The following TRRAP variants were observed in gnomAD, a reference collection of about 807,000 sequenced individuals.
The protein encoded by TRRAP is transformation/transcription domain-associated protein.
A neutral mutation model predicts 438.8 loss-of-function variants in TRRAP; 41 were observed. That is an observed-to-expected ratio of 0.09 (90% CI 0.07 to 0.12). The LOEUF is 0.12. TRRAP is among the 10% of genes least tolerant of loss of function. TRRAP has a pLI of 1.00. For missense variants in TRRAP, 3,122 were observed against 5,055.1 expected (o/e 0.62, Z 11.60); for synonymous variants, 1,994 against 1,962.9 (o/e 1.02, Z -0.42).
At chr7:98,997,422 A>G (rs1793716085) in intron 67 of TRRAP, among the ~76,000 whole-genome samples, 2 of 151,146 alleles carry the variant, frequency 1.3e-5, no homozygotes, top group Admixed American at 1.3e-4. Flanking sequence ...CAAAAAGGCA[A>G]CAAAATCCAG....
At chr7:98,900,137 T>G (rs1465722720) in intron 10 of TRRAP, among the ~76,000 whole-genome samples, 3 of 151,898 alleles carry the variant, frequency 2.0e-5, no homozygotes, top group African/African-American at 7.3e-5. Flanking sequence ...AGCCTTCATC[T>G]CCAGATAGGC....
rs1192363458 is a variant in TRRAP at position 98,976,238 on chromosome 7, G to A, written c.7929G>A (p.Leu2643=). 5 of 1,614,102 alleles carry A rather than the reference G, an allele frequency of 3.1e-6. No homozygotes were observed. Among genetic ancestry groups the A allele is most frequent in the Non-Finnish European group, 4.2e-6 (5 of 1,180,042 alleles). The change falls in exon 54 of 73, where the codon TTG becomes TTA. Residue 2643 remains leucine, a synonymous_variant. Coordinates refer to ENST00000456197, the MANE Select transcript of TRRAP (RefSeq NM_001375524.1). This position sits in a 1 kb window ranked among gnomAD's most constrained non-coding sequence, Gnocchi z 4.6. ...CGTGGGTCCAGCTTTTCCCCAGATT[G>A]TGGAAGATCCTCTCTGACAGACAGC... ...EKTWVQLFPR[L]WKILSDRQQH...
In TRRAP at chr7:98,976,807, C is replaced by G; in HGVS notation, c.8247+37C>G. The G allele has an allele frequency of 6.2e-7, 1 of 1,604,644 alleles. No homozygotes were observed. Among genetic ancestry groups the G allele is most frequent in the Non-Finnish European group, 8.5e-7 (1 of 1,173,824 alleles). On this transcript the variant is annotated intron_variant, in intron 55 of 72. Transcript: ENST00000456197. The surrounding 1 kb of genome is among the most constrained non-coding windows in gnomAD (Gnocchi z 4.6). ...CCTCAGTTTGTTAATTACCTCTTCC[C>G]TGCCAGTGACTTCACACTTTAAATA... is the stretch of plus-strand genomic sequence containing the variant.
intron 28 of TRRAP, among the ~76,000 whole-genome samples, chr7:98,936,774 C>T (rs200477250): frequency 2.6e-5 from 4 of 152,288 alleles, no homozygotes; most frequent in East Asian, 3.9e-4. Flanking sequence ...CATCTGAAGA[C>T]GTAAGATTTA....
intron 3 of TRRAP, among the ~76,000 whole-genome samples, chr7:98,887,948 C>T (rs797025764): frequency 2.6e-4 from 40 of 152,158 alleles, no homozygotes; most frequent in African/African-American, 9.1e-4. Context: ...AGTTGAACTC[C>T]AGGACAGGTG....
chr7:98,910,440 T>G, intron 15 of TRRAP, 21 bp downstream of exon 15: 1 of 1,612,070 alleles, frequency 6.2e-7, no homozygotes, highest in Non-Finnish European at 8.5e-7. Flanking sequence ...TCTTCAGTTA[T>G]GTAGACAAAC....
rs115311261 is a variant in TRRAP, at chr7:98,886,313, T to C, written c.151-4022T>C. 3.8e-3 allele frequency among the ~76,000 whole-genome samples: 573 copies of C among 150,630 alleles called. 12 individuals are homozygous for C. The highest frequency in any genetic ancestry group is 0.014 in the African/African-American group (547 of 40,174). Reference sequence around the variant, plus strand: ...TATCTATCTATCATAGATATAGATATCTATATAGATAGAGATAGATATAGA... The same window carrying C: ...TATCTATCTATCATAGATATAGATACCTATATAGATAGAGATAGATATAGA... On this transcript the variant is annotated intron_variant, in intron 3 of 72. Coordinates refer to ENST00000456197, the MANE Select transcript of TRRAP (RefSeq NM_001375524.1).
At chr7:98,920,137 C>T (rs953500931) in intron 20 of TRRAP, among the ~76,000 whole-genome samples, 1 of 152,218 alleles carries the variant, frequency 6.6e-6, no homozygotes, top group African/African-American at 2.4e-5. Context: ...TATTGCTAGA[C>T]ATGAATATTT....
rs761798003 is a variant in TRRAP, at chr7:98,976,108, C to T, written c.7840-41C>T. 1 of 1,609,736 alleles carries T rather than the reference C, an allele frequency of 6.2e-7. No homozygotes were observed. Among genetic ancestry groups the T allele is most frequent in the Admixed American group, 1.7e-5 (1 of 59,852 alleles). ...TGAGCGTGGTTGTGCGAGGCACCCC[C>T]AGCCCGTGGCCATCTCAGCCTGTTG... On this transcript the variant is annotated intron_variant, in intron 53 of 72. Transcript: ENST00000456197. This position sits in a 1 kb window ranked among gnomAD's most constrained non-coding sequence, Gnocchi z 4.6.
In TRRAP at chr7:98,958,040, C is replaced by G. The variant is rs1287709468; in HGVS notation, c.6291C>G (p.Asp2097Glu). 1.9e-6 allele frequency: 3 copies of G among 1,614,088 alleles called. No individual in the cohort carries two copies. Among genetic ancestry groups the G allele is most frequent in the Non-Finnish European group, 2.5e-6 (3 of 1,180,040 alleles). The stretch of plus-strand genomic sequence containing the variant: ...ACTCTCTCCTCGCCAAGCCCATTGA[C>G]AAGCAGCACACAGACACTGTGGTGA... ...GADSLLAKPI[D>E]KQHTDTVVNF... Residue 2097 changes from aspartate (D) to glutamate (E), a missense_variant, in exon 44 of 73, where the codon GAC becomes GAG. By Grantham distance (45) the Asp-to-Glu change is conservative (BLOSUM62 2). Coordinates refer to ENST00000456197, the MANE Select transcript of TRRAP (RefSeq NM_001375524.1).
At chr7:98,967,202 C>A (rs776859487) in intron 50 of TRRAP, 40 bp downstream of exon 50, 1 of 1,585,034 alleles carries the variant, frequency 6.3e-7, no homozygotes, top group Non-Finnish European at 8.6e-7. Flanking sequence ...TATATTGGTC[C>A]TTAATGTGCT....
rs1313524447 is a variant in TRRAP at position 98,912,052 on chromosome 7, A to G, written c.2038A>G (p.Thr680Ala). Reference protein sequence around the residue: ...IVANSFLANPTTSALFATILV... With the variant: ...IVANSFLANPATSALFATILV... ...TGCCAATTCCTTCTTGGCAAATCCT[A>G]CTACCTCTGCTCTGTTTGCTACGAT... Residue 680 changes from threonine (T) to alanine (A), a missense_variant, in exon 18 of 73, where the codon ACT (threonine) becomes GCT (alanine). Thr to Ala is a moderately conservative substitution (Grantham distance 58). Coordinates refer to ENST00000456197, the MANE Select transcript of TRRAP (RefSeq NM_001375524.1). 4 of 1,613,704 alleles carry G rather than the reference A, an allele frequency of 2.5e-6. No homozygotes were observed. In the African/African-American group the frequency reaches 5.3e-5, roughly 22 times the overall value.
chr7:98,998,762 C>A, intron 67 of TRRAP: 1 of 222,936 alleles, frequency 4.5e-6, no homozygotes, highest in Non-Finnish European at 9.3e-6. Context: ...TCTAGCCACT[C>A]CTTTCTTTCC....
chr7:98,903,342 A>G (rs367616957), intron 11 of TRRAP, 37 bp from the exon 12 acceptor site: 1 of 1,611,728 alleles, frequency 6.2e-7, no homozygotes, highest in Non-Finnish European at 8.5e-7. Context: ...ACACTCTCCT[A>G]TCCCTGTAAC....
chr7:98,937,151 TG>T lies in TRRAP; in HGVS notation c.4112-4del. The T allele has an allele frequency of 1.9e-6, 3 of 1,602,108 alleles. No homozygotes were observed. Among genetic ancestry groups the T allele is most frequent in the Non-Finnish European group, 2.6e-6 (3 of 1,175,814 alleles). ...ATGGAATTGTCTTGATTTCTCTCCC[TG>T]AAGATGCACTTGCTGCCTGCAATTA... On this transcript the variant is annotated splice_region_variant and splice_polypyrimidine_tract_variant and intron_variant, in intron 28 of 72. Transcript: ENST00000456197.
chr7:98,939,616 A>T (rs782350181), intron 30 of TRRAP, among the ~76,000 whole-genome samples: 1 of 152,238 alleles, frequency 6.6e-6, no homozygotes, highest in African/African-American at 2.4e-5. Context: ...ATACACACCT[A>T]TCAGTTTCCA....
chr7:98,909,542 A>C (rs1796962859), intron 14 of TRRAP, among the ~76,000 whole-genome samples: 1 of 152,176 alleles, frequency 6.6e-6, no homozygotes, highest in African/African-American at 2.4e-5. Flanking sequence ...CTTCCTGGCA[A>C]GTAATTAGGA....
chr7:98,890,735 A>G, intron 4 of TRRAP, among the ~76,000 whole-genome samples: 1 of 147,502 alleles, frequency 6.8e-6, no homozygotes, highest in Non-Finnish European at 1.5e-5. Flanking sequence ...ACTACCCCCC[A>G]TACCTATTGC....
In TRRAP at chr7:98,981,957, A is replaced by C; in HGVS notation, c.8823A>C (p.Leu2941=). 6.3e-7 allele frequency: 1 copy of C among 1,588,012 alleles called. No homozygotes were observed. The highest frequency in any genetic ancestry group is 8.6e-7 in the Non-Finnish European group (1 of 1,168,630). Reference sequence around the variant, plus strand: ...TGTCCCACGTGCACACGCCTCTCCTACAGGTGCGTGCGGTGCCCCCATGCG... The same window carrying C: ...TGTCCCACGTGCACACGCCTCTCCTCCAGGTGCGTGCGGTGCCCCCATGCG... ...HVVSHVHTPL[L]QAAQQIIELQ... is the part of the protein sequence containing the mutation. The change falls in exon 59 of 73, where the codon CTA becomes CTC. Residue 2941 remains leucine, a synonymous_variant. Transcript: ENST00000456197.
Sources: gnomAD v4.1 joint callset for allele counts (sites outside exome capture counted in the v4.1 genomes callset) on GRCh38, gnomAD v4.1.1 for gene constraint, Gnocchi (gnomAD v3.1) non-coding constraint, MANE v1.5 for transcripts, NCBI Gene and HGNC (gene_info 2026-07-23, HGNC 2026-07-21) for gene names.